The following RTL4 variants were observed in gnomAD, a reference collection of about 807,000 sequenced individuals.
RTL4 encodes retrotransposon Gag like 4, also known as retrotransposon Gag-like protein 4.
In RTL4, 4 loss-of-function variants were observed where a neutral mutation model predicts 5.3. That is an observed-to-expected ratio of 0.75 (90% CI 0.37 to 1.72). The LOEUF is 1.72. Ranked by LOEUF, RTL4 falls within the 40% of genes most tolerant of loss-of-function variation. The pLI, the probability that RTL4 is intolerant of heterozygous loss-of-function variation, is 0.04. For missense variants in RTL4, 260 were observed against 227.1 expected, an observed-to-expected ratio of 1.14 and a Z score of -0.93; for synonymous variants, 98 against 87.3, an observed-to-expected ratio of 1.12 and a Z score of -0.68.
the RTL4 span, among the ~76,000 whole-genome samples, chrX:112,245,394 C>CT: frequency 9.0e-6 from 1 of 111,315 alleles, no homozygotes; most frequent in Admixed American, 9.5e-5. Flanking sequence ...TTGTTCATTT[C>CT]TTTTTACTCT....
chrX:112,334,422 G>A, the RTL4 span, among the ~76,000 whole-genome samples: 5 of 111,751 alleles, frequency 4.5e-5, no homozygotes, highest in Admixed American at 9.6e-5. Flanking sequence ...CACCAACAGT[G>A]TACAGGGTTC....
the RTL4 span, among the ~76,000 whole-genome samples, chrX:112,427,515 G>A: frequency 5.6e-3 from 626 of 111,004 alleles, 3 homozygotes; most frequent in African/African-American, 0.02. Context: ...GAAACTCAAA[G>A]TTGTCCTGCT....
exon 1 of RTL4, chrX:112,456,489 A>T (rs1602583683): frequency 3.3e-6 from 1 of 305,568 alleles, no homozygotes; most frequent in Non-Finnish European, 5.9e-6. Context: ...AGCATGTCTT[A>T]TAGCCAAGTC....
At chrX:112,374,583 C>G in the RTL4 span, among the ~76,000 whole-genome samples, 1 of 112,138 alleles carries the variant, frequency 8.9e-6, no homozygotes, top group Non-Finnish European at 1.9e-5. Flanking sequence ...GAATGATTGA[C>G]ATTTTCATAG....
chrX:112,381,632 G>T, the RTL4 span: 1 of 1,205,285 alleles, frequency 8.3e-7, no homozygotes, highest in South Asian at 1.8e-5. Context: ...CAGGTGTGCC[G>T]AACAAATTTC....
the RTL4 span, among the ~76,000 whole-genome samples, chrX:112,152,071 C>A: frequency 9.0e-6 from 1 of 111,596 alleles, no homozygotes; most frequent in South Asian, 3.8e-4. Context: ...GATAACTTGA[C>A]CGGGATACTT....
At chrX:112,361,492 A>G in the RTL4 span, among the ~76,000 whole-genome samples, 1 of 111,370 alleles carries the variant, frequency 9.0e-6, no homozygotes, top group Non-Finnish European at 1.9e-5. Context: ...AAGACTGAGA[A>G]TTCTAGGCTA....
chrX:112,117,215 A>G, the RTL4 span, among the ~76,000 whole-genome samples: 4 of 109,811 alleles, frequency 3.6e-5, no homozygotes, highest in African/African-American at 1.3e-4. Flanking sequence ...TATATGGTAA[A>G]TACACTATTT....
At chrX:112,318,294 C>A in the RTL4 span, among the ~76,000 whole-genome samples, 2 of 111,593 alleles carry the variant, frequency 1.8e-5, no homozygotes, top group Non-Finnish European at 1.9e-5. Context: ...CTTCCTTAAA[C>A]ATCTTACCCA....
At chrX:112,284,293 A>G in the RTL4 span, among the ~76,000 whole-genome samples, 2 of 106,850 alleles carry the variant, frequency 1.9e-5, no homozygotes, top group South Asian at 8.0e-4. Flanking sequence ...GATATATGTG[A>G]AAAAAAAAAG....
the RTL4 span, among the ~76,000 whole-genome samples, chrX:112,173,127 C>T: frequency 4.6e-5 from 5 of 109,671 alleles, no homozygotes; most frequent in Admixed American, 3.9e-4. Context: ...TGTAACAAAT[C>T]AGCACATTCT....
At chrX:112,136,331 C>G in the RTL4 span, among the ~76,000 whole-genome samples, 26 of 111,004 alleles carry the variant, frequency 2.3e-4, no homozygotes, top group South Asian at 8.7e-3. Flanking sequence ...CTTTTCTTAC[C>G]TGATTGCTTT....
chrX:112,118,029 A>G, the RTL4 span, among the ~76,000 whole-genome samples: 22 of 112,135 alleles, frequency 2.0e-4, no homozygotes, highest in South Asian at 1.5e-3. Context: ...TAGGGCTTAT[A>G]TTTATGGAAA....
the RTL4 span, among the ~76,000 whole-genome samples, chrX:112,332,014 G>A: frequency 1.9e-5 from 2 of 106,987 alleles, no homozygotes; most frequent in Admixed American, 1.0e-4. Flanking sequence ...GTTGTGGGGT[G>A]GGGGGAAGGG....
At chrX:112,395,457 CTAACA>C in the RTL4 span, among the ~76,000 whole-genome samples, 6 of 110,751 alleles carry the variant, frequency 5.4e-5, no homozygotes, top group East Asian at 1.4e-3. Flanking sequence ...AAATTTAAAA[CTAACA>C]TAATTCCTAA....
the RTL4 span, among the ~76,000 whole-genome samples, chrX:112,288,036 A>G: frequency 5.4e-5 from 6 of 111,715 alleles, no homozygotes; most frequent in African/African-American, 2.0e-4. Context: ...CTTTGGAACA[A>G]ATGCTGTGCT....
chrX:112,304,304 G>A, the RTL4 span, among the ~76,000 whole-genome samples: 1 of 111,225 alleles, frequency 9.0e-6, no homozygotes, highest in Non-Finnish European at 1.9e-5. Flanking sequence ...TGATGTGTGT[G>A]TGCGTGTGTG....
chrX:112,153,747 A>G, the RTL4 span, among the ~76,000 whole-genome samples: 12 of 111,585 alleles, frequency 1.1e-4, no homozygotes, highest in Non-Finnish European at 2.3e-4. Context: ...GGTAGAGGAA[A>G]CTAGGTACCA....
chrX:112,363,257 C>G, the RTL4 span, among the ~76,000 whole-genome samples: 116 of 111,158 alleles, frequency 1.0e-3, no homozygotes, highest in Non-Finnish European at 2.0e-3. Flanking sequence ...GTTTCTGTGA[C>G]CCTTCCTATC....
Sources: allele counts gnomAD v4.1 joint callset (sites outside exome capture counted in the v4.1 genomes callset), GRCh38; gene constraint gnomAD v4.1.1; transcripts MANE v1.5; gene names NCBI Gene and HGNC (gene_info 2026-07-23, HGNC 2026-07-21).